Variants in STAG1 observed in about 807,000 individuals in gnomAD.
STAG1 encodes the protein cohesin subunit SA-1.
Under a neutral mutation model 170.9 loss-of-function variants are expected in STAG1, and 26 were observed. The observed-to-expected ratio is 0.15, with a 90% CI of 0.11 to 0.21. The LOEUF (loss-of-function observed/expected upper bound fraction) is 0.21. Ranked by LOEUF, STAG1 falls within the 10% of genes least tolerant of loss-of-function variation. STAG1 has a pLI of 1.00. For synonymous variants in STAG1, 514 were observed against 497.7 expected, an observed-to-expected ratio of 1.03 and a Z score of -0.44; for missense variants, 964 against 1,509.5, an observed-to-expected ratio of 0.64 and a Z score of 5.99.
At chr3:136,717,812 A>G (rs1943583146) in intron 1 of STAG1, among the ~76,000 whole-genome samples, 1 of 152,234 alleles carries the variant, frequency 6.6e-6, no homozygotes, top group Admixed American at 6.5e-5. Flanking sequence ...TTTTAAAGCA[A>G]TTGGATTTCT....
At chr3:136,505,265 A>T (rs766451685) in intron 7 of STAG1, among the ~76,000 whole-genome samples, 4 of 152,216 alleles carry the variant, frequency 2.6e-5, no homozygotes, top group Non-Finnish European at 4.4e-5. Flanking sequence ...CTTGTCTAGC[A>T]AGGAGAAGAA....
At chr3:136,558,585 C>T (rs995442069) in intron 5 of STAG1, among the ~76,000 whole-genome samples, 24 of 152,110 alleles carry the variant, frequency 1.6e-4, no homozygotes, top group African/African-American at 5.8e-4. Context: ...TATTTGTAAT[C>T]CTACTCAACA....
intron 4 of STAG1, among the ~76,000 whole-genome samples, chr3:136,591,206 G>C (rs1472293123): frequency 2.4e-5 from 3 of 125,320 alleles, no homozygotes; most frequent in African/African-American, 8.5e-5. Context: ...TTTGTGGACA[G>C]AGTCTTTTTT....
intron 6 of STAG1, among the ~76,000 whole-genome samples, chr3:136,539,399 G>A (rs556004546): frequency 6.6e-6 from 1 of 152,172 alleles, no homozygotes; most frequent in Non-Finnish European, 1.5e-5. Context: ...TATCACGGGA[G>A]AAGAGCACAA....
chr3:136,486,952 C>G (rs2090025277), intron 9 of STAG1, among the ~76,000 whole-genome samples: 1 of 124,616 alleles, frequency 8.0e-6, no homozygotes, highest in African/African-American at 3.2e-5. Context: ...CTTATGTTCT[C>G]AGAACACAGG....
chr3:136,606,484 G>A (rs911190439), intron 3 of STAG1, among the ~76,000 whole-genome samples: 10 of 152,134 alleles, frequency 6.6e-5, no homozygotes, highest in East Asian at 3.9e-4. Flanking sequence ...CACCACGAGC[G>A]GCCTGATTTT....
rs186516520 is a variant in STAG1, at chr3:136,585,196, A to G, written c.298-16335T>C. 2.0e-4 allele frequency among the ~76,000 whole-genome samples: 30 copies of G among 152,260 alleles called. 1 individual carries two copies. Among genetic ancestry groups the G allele is most frequent in the Admixed American group, 2.0e-4 (3 of 15,294 alleles). Reference sequence around the variant, plus strand: ...CTGGCTCACACCTATAATCCCAGCAATTTGGGAGGCCAAGATGGGCAGATC... The same window carrying G: ...CTGGCTCACACCTATAATCCCAGCAGTTTGGGAGGCCAAGATGGGCAGATC... On this transcript the variant is annotated intron_variant, in intron 4 of 33. Transcript: ENST00000383202.
At chr3:136,403,818 T>A (rs1454942269) in intron 21 of STAG1, among the ~76,000 whole-genome samples, 1 of 152,216 alleles carries the variant, frequency 6.6e-6, no homozygotes, top group African/African-American at 2.4e-5. Flanking sequence ...ACAGAGACAC[T>A]TGGCCATCCC....
At chr3:136,543,606 G>A (rs1936008997) in intron 5 of STAG1, among the ~76,000 whole-genome samples, 3 of 152,124 alleles carry the variant, frequency 2.0e-5, no homozygotes, top group African/African-American at 7.2e-5. Flanking sequence ...AGACATAGTA[G>A]GGTTTCTCAG....
At chr3:136,655,975 C>A (rs894378870) in intron 1 of STAG1, among the ~76,000 whole-genome samples, 5 of 152,022 alleles carry the variant, frequency 3.3e-5, no homozygotes, top group African/African-American at 9.7e-5. Flanking sequence ...TTTATACACC[C>A]ATGTTCATAG....
intron 1 of STAG1, among the ~76,000 whole-genome samples, chr3:136,634,308 G>T (rs1378461694): frequency 6.6e-6 from 1 of 151,786 alleles, no homozygotes; most frequent in Non-Finnish European, 1.5e-5. Context: ...AGTGAGCCAT[G>T]ACTGGGCCAC....
chr3:136,700,872 T>TTTTC (rs1943035341), intron 1 of STAG1, among the ~76,000 whole-genome samples: 1 of 145,666 alleles, frequency 6.9e-6, no homozygotes, highest in Non-Finnish European at 1.5e-5. Flanking sequence ...GCTCTATTTT[T>TTTTC]TTTCTTTTTT....
chr3:136,616,447 G>A (rs1272199819), intron 3 of STAG1, among the ~76,000 whole-genome samples: 4 of 152,168 alleles, frequency 2.6e-5, no homozygotes, highest in Admixed American at 6.5e-5. Flanking sequence ...GTCAGTAGAA[G>A]AAAATTCTAA....
chr3:136,340,049 A>C (rs1935901597), intron 32 of STAG1, among the ~76,000 whole-genome samples: 1 of 152,214 alleles, frequency 6.6e-6, no homozygotes, highest in Non-Finnish European at 1.5e-5. Flanking sequence ...CTTTGAAAGG[A>C]GGCTTGAAGA....
chr3:136,566,738 T>G (rs1937087987), intron 5 of STAG1, among the ~76,000 whole-genome samples: 1 of 152,194 alleles, frequency 6.6e-6, no homozygotes, highest in South Asian at 2.1e-4. Context: ...TAATAACAAA[T>G]GCATTTACCT....
At chr3:136,669,036 G>GT (rs1282021420) in intron 1 of STAG1, among the ~76,000 whole-genome samples, 1 of 152,144 alleles carries the variant, frequency 6.6e-6, no homozygotes, top group Non-Finnish European at 1.5e-5. Context: ...AAATACTGAG[G>GT]TTTTCTATTA....
chr3:136,596,338 A>G (rs1275220988), intron 4 of STAG1, among the ~76,000 whole-genome samples: 1 of 152,236 alleles, frequency 6.6e-6, no homozygotes, highest in African/African-American at 2.4e-5. Flanking sequence ...TCCACTAGCA[A>G]AAAGATTATG....
chr3:136,582,184 G>A (rs1937604587), intron 4 of STAG1, among the ~76,000 whole-genome samples: 1 of 136,786 alleles, frequency 7.3e-6, no homozygotes, highest in Non-Finnish European at 1.5e-5. Context: ...ATTTAATCCT[G>A]CTTTGTTTTT....
chr3:136,710,918 C>T (rs1271479579), intron 1 of STAG1, among the ~76,000 whole-genome samples: 1 of 152,054 alleles, frequency 6.6e-6, no homozygotes, highest in East Asian at 1.9e-4. Flanking sequence ...CCATCCTGGA[C>T]TCCCTTTGGC....
Sources: allele counts gnomAD v4.1 joint callset (sites outside exome capture counted in the v4.1 genomes callset), GRCh38; gene constraint gnomAD v4.1.1; transcripts MANE v1.5; gene names NCBI Gene and HGNC (gene_info 2026-07-23, HGNC 2026-07-21).